SYT1: variants seen among roughly 807,000 people sequenced by gnomAD.
The protein encoded by SYT1 is synaptotagmin-1.
Under a neutral mutation model 44.8 loss-of-function variants are expected in SYT1, and 8 were observed. The observed-to-expected ratio is 0.18, with a 90% CI of 0.10 to 0.32. The LOEUF (loss-of-function observed/expected upper bound fraction) is 0.32, where lower values mean the gene tolerates loss of function less well. Among genes scored for constraint, SYT1 ranks in the 10% least tolerant of loss-of-function variants. The pLI is 1.00. For missense variants in SYT1, 286 were observed against 509.3 expected, an observed-to-expected ratio of 0.56 and a Z score of 4.22; for synonymous variants, 154 against 188.8, an observed-to-expected ratio of 0.82 and a Z score of 1.51.
intron 3 of SYT1, among the ~76,000 whole-genome samples, chr12:79,120,081 T>A (rs2138128757): frequency 6.6e-6 from 1 of 152,276 alleles, no homozygotes; most frequent in East Asian, 1.9e-4. Flanking sequence ...TGGCTCCCTA[T>A]CTGTTCTGCT....
chr12:79,225,649 T>G (rs1001570454), intron 4 of SYT1, among the ~76,000 whole-genome samples: 2 of 152,200 alleles, frequency 1.3e-5, no homozygotes, highest in Admixed American at 6.5e-5. Flanking sequence ...GAGAAAGCAA[T>G]GAACAACATA....
At position 79,050,512 on chromosome 12, in the gene SYT1, G is replaced by A. The variant is rs1874398851; in HGVS notation, c.-18+3150G>A. The stretch of plus-strand genomic sequence containing the variant: ...CCTCCTTGTAAACTCTGATCACACT[G>A]GATACTAATAATAAAGAGGGTGTGT... On this transcript the variant is annotated intron_variant, in intron 3 of 10. Transcript: ENST00000261205. Among the ~76,000 whole-genome samples the A allele has an allele frequency of 4.6e-5, 7 of 152,036 alleles. No homozygotes were observed. In the South Asian group the frequency reaches 1.0e-3, roughly 23 times the overall value.
chr12:79,088,800 G>A (rs1274404499), intron 3 of SYT1, among the ~76,000 whole-genome samples: 2 of 150,876 alleles, frequency 1.3e-5, no homozygotes, highest in African/African-American at 4.9e-5. Flanking sequence ...GTGTGAGGGG[G>A]CAGAGAGAAG....
intron 3 of SYT1, among the ~76,000 whole-genome samples, chr12:79,140,341 C>T (rs954738599): frequency 2.0e-5 from 3 of 152,104 alleles, no homozygotes; most frequent in African/African-American, 4.8e-5. Flanking sequence ...CCCTTTACTG[C>T]GTATCTGCCT....
chr12:79,398,548 G>A (rs1482713632), intron 9 of SYT1, among the ~76,000 whole-genome samples: 2 of 152,028 alleles, frequency 1.3e-5, no homozygotes, highest in South Asian at 4.1e-4. Context: ...ACAGAATATG[G>A]TCCTTATATG....
intron 2 of SYT1, among the ~76,000 whole-genome samples, chr12:79,040,259 T>C (rs1873455278): frequency 6.6e-6 from 1 of 151,156 alleles, no homozygotes; most frequent in Non-Finnish European, 1.5e-5. Context: ...AGTGTTCCTA[T>C]TTCTCCACAT....
At chr12:79,368,951 T>G (rs990746573) in intron 9 of SYT1, among the ~76,000 whole-genome samples, 4 of 152,200 alleles carry the variant, frequency 2.6e-5, no homozygotes, top group Non-Finnish European at 5.9e-5. Flanking sequence ...GCTTTTGGTG[T>G]TTTAGACATG....
chr12:79,349,381 A>G (rs1285881013), intron 8 of SYT1, among the ~76,000 whole-genome samples: 1 of 152,216 alleles, frequency 6.6e-6, no homozygotes, highest in Non-Finnish European at 1.5e-5. Flanking sequence ...TTGAACATTA[A>G]TTTAGTTACA....
chr12:79,113,928 A>G (rs943245088), intron 3 of SYT1, among the ~76,000 whole-genome samples: 1 of 152,006 alleles, frequency 6.6e-6, no homozygotes, highest in Non-Finnish European at 1.5e-5. Flanking sequence ...TTATCTCCCC[A>G]TCTCTGCTGC....
At chr12:79,300,391 G>T (rs1178729355) in intron 8 of SYT1, among the ~76,000 whole-genome samples, 1 of 152,052 alleles carries the variant, frequency 6.6e-6, no homozygotes, top group Non-Finnish European at 1.5e-5. Context: ...AGAGATTGCT[G>T]ACAGCTCAGT....
intron 4 of SYT1, among the ~76,000 whole-genome samples, chr12:79,263,288 T>C (rs992715243): frequency 6.8e-6 from 1 of 147,652 alleles, no homozygotes; most frequent in Admixed American, 6.8e-5. Flanking sequence ...TTTTTTTTTA[T>C]GTCCAGAGTT....
chr12:79,082,022 T>A (rs1352704687), intron 3 of SYT1, among the ~76,000 whole-genome samples: 1 of 152,156 alleles, frequency 6.6e-6, no homozygotes, highest in Non-Finnish European at 1.5e-5. Context: ...TACATTGACA[T>A]TAAAACTTTT....
chr12:79,225,293 C>G (rs1875452294), intron 4 of SYT1, among the ~76,000 whole-genome samples: 1 of 152,146 alleles, frequency 6.6e-6, no homozygotes, highest in African/African-American at 2.4e-5. Flanking sequence ...TAATTAGCAA[C>G]TTGTTAATTT....
intron 2 of SYT1, among the ~76,000 whole-genome samples, chr12:78,982,064 C>A (rs1468725954): frequency 6.6e-6 from 1 of 151,986 alleles, no homozygotes; most frequent in Non-Finnish European, 1.5e-5. Context: ...CCCATCACTT[C>A]CATTTAACCT....
chr12:79,145,100 A>G (rs1192441984), intron 3 of SYT1, among the ~76,000 whole-genome samples: 3 of 152,218 alleles, frequency 2.0e-5, no homozygotes, highest in Non-Finnish European at 4.4e-5. Flanking sequence ...GGATCAAGCT[A>G]GATAATGCAT....
At chr12:79,119,546 T>A (rs924368406) in intron 3 of SYT1, among the ~76,000 whole-genome samples, 5 of 152,174 alleles carry the variant, frequency 3.3e-5, no homozygotes, top group African/African-American at 1.2e-4. Flanking sequence ...TCACTTTTTC[T>A]ATCTAACTCC....
intron 1 of SYT1, among the ~76,000 whole-genome samples, chr12:78,973,916 CAAAAAAAAAAA>C (rs1162433648): frequency 4.1e-3 from 37 of 9,042 alleles, no homozygotes; most frequent in African/African-American, 0.015. Flanking sequence ...AGACGAACAC[CAAAAAAAAAAA>C]AAAAAAAAAA....
At chr12:78,906,039 G>A (rs79918173) in intron 1 of SYT1, among the ~76,000 whole-genome samples, 5,350 of 151,842 alleles carry the variant, frequency 0.035, 332 homozygotes, top group African/African-American at 0.12. Flanking sequence ...AGAAATAAAA[G>A]CACTATTTTT....
chr12:79,352,193 CCCCA>C (rs1471049282), intron 8 of SYT1, among the ~76,000 whole-genome samples: 19 of 150,486 alleles, frequency 1.3e-4, no homozygotes, highest in Non-Finnish European at 2.5e-4. Flanking sequence ...TACACCCCCC[CCCCA>C]AAAAAAAAAC....
Sources: allele counts gnomAD v4.1 joint callset (sites outside exome capture counted in the v4.1 genomes callset), GRCh38; gene constraint gnomAD v4.1.1; transcripts MANE v1.5; gene names NCBI Gene and HGNC (gene_info 2026-07-23, HGNC 2026-07-21).